MAP4K3: variants seen among roughly 807,000 people sequenced by gnomAD.
MAP4K3 encodes the protein MAPK/ERK kinase kinase kinase 3.
In MAP4K3, 94 loss-of-function variants were observed where a neutral mutation model predicts 143.5. The observed-to-expected ratio is 0.65, with a 90% CI of 0.55 to 0.78. MAP4K3 has a LOEUF of 0.78. Among genes scored for constraint, MAP4K3 ranks in the 30% least tolerant of loss-of-function variants. MAP4K3 has a pLI of 0.00. For synonymous variants in MAP4K3, 416 were observed against 347.2 expected, an observed-to-expected ratio of 1.20 and a Z score of -2.20; for missense variants, 1,077 against 1,068.1, an observed-to-expected ratio of 1.01 and a Z score of -0.12.
intron 32 of MAP4K3, among the ~76,000 whole-genome samples, chr2:39,253,076 T>C (rs868080983): frequency 1.3e-5 from 2 of 152,258 alleles, no homozygotes; most frequent in African/African-American, 4.8e-5. Flanking sequence ...GTTCCTCACG[T>C]GATTTTAGAA....
At chr2:39,349,613 C>T (rs73923852) in intron 3 of MAP4K3, among the ~76,000 whole-genome samples, 3,286 of 151,496 alleles carry the variant, frequency 0.022, 114 homozygotes, top group African/African-American at 0.075. Flanking sequence ...AGTGAGAAGG[C>T]GGTTGGAGAG....
rs1048710376 is a variant in MAP4K3 at position 39,437,008 on chromosome 2, C to A, written c.-21G>T. 6.2e-7 allele frequency: 1 copy of A among 1,601,320 alleles called. No individual in the cohort carries two copies. The highest frequency in any genetic ancestry group is 8.5e-7 in the Non-Finnish European group (1 of 1,172,928). On this transcript the variant is annotated 5_prime_UTR_variant, in exon 1 of 34. Coordinates refer to ENST00000263881, the MANE Select transcript of MAP4K3 (RefSeq NM_003618.4). ...TTCATGGCGGGCCCCAGGTGCCCCC[C>A]GCCTCCCTCCCGGGCAGGGGAGGGG...
chr2:39,316,353 G>C (rs982633679), intron 12 of MAP4K3, among the ~76,000 whole-genome samples: 7 of 152,006 alleles, frequency 4.6e-5, no homozygotes, highest in African/African-American at 1.7e-4. Flanking sequence ...TGAACCTCTA[G>C]CTTGTCAGGA....
In MAP4K3 at chr2:39,325,536, G is replaced by A. The variant is rs764895599; in HGVS notation, c.900C>T (p.Phe300=). 2.4e-5 allele frequency: 38 copies of A among 1,611,382 alleles called. No homozygotes were observed. In the South Asian group the frequency reaches 2.7e-4, roughly 12 times the overall value. ...TTCCTACCTCAGGATCATCATCATCGAAATCATGGTAAGTGGAATGATCTG... is the reference window on the plus strand; with the variant it reads ...TTCCTACCTCAGGATCATCATCATCAAAATCATGGTAAGTGGAATGATCTG... ...NNPDHSTYHD[F]DDDDPEPLVA... The change falls in exon 12 of 34, where the codon TTC becomes TTT. Residue 300 remains phenylalanine (F), a synonymous_variant. Coordinates refer to ENST00000263881, the MANE Select transcript of MAP4K3 (RefSeq NM_003618.4).
intron 20 of MAP4K3, among the ~76,000 whole-genome samples, chr2:39,287,298 C>T (rs1573098387): frequency 6.8e-6 from 1 of 147,344 alleles, no homozygotes; most frequent in East Asian, 2.0e-4. Flanking sequence ...TTTAGTTGCT[C>T]TTTTTTTTTT....
At chr2:39,386,918 T>C (rs1666520692) in intron 1 of MAP4K3, among the ~76,000 whole-genome samples, 1 of 150,876 alleles carries the variant, frequency 6.6e-6, no homozygotes, top group Non-Finnish European at 1.5e-5. Context: ...TGGGTTCAAA[T>C]GATTCTCCTG....
Position 39,254,465 on chromosome 2 carries a change from A to C in MAP4K3, c.2526T>G (p.Ser842Arg). The C allele has an allele frequency of 6.2e-7, 1 of 1,613,902 alleles. No individual in the cohort carries two copies. Among genetic ancestry groups the C allele is most frequent in the Non-Finnish European group, 8.5e-7 (1 of 1,179,844 alleles). ...ATTTACTTACCTCATTAGATCTAAA[A>C]CTTCTACCTTGCATTCCATGTTTCC... ...AFWKHGMQGR[S>R]FRSNEVTQEI... The change falls in exon 32 of 34, where the codon AGT (serine) becomes AGG (arginine). Residue 842 changes from serine to arginine, a missense_variant. Physicochemically the swap from Ser to Arg is moderately radical, Grantham distance 110 (BLOSUM62 -1). Transcript: ENST00000263881.
chr2:39,312,815 T>C (rs752651684), intron 13 of MAP4K3, among the ~76,000 whole-genome samples: 2 of 152,222 alleles, frequency 1.3e-5, no homozygotes, highest in African/African-American at 4.8e-5. Context: ...CTTTCACCTA[T>C]ACTTGTCTTC....
intron 24 of MAP4K3, among the ~76,000 whole-genome samples, chr2:39,276,045 G>A (rs529858118): frequency 3.9e-5 from 6 of 152,080 alleles, no homozygotes; most frequent in Non-Finnish European, 7.4e-5. Context: ...GCTAATTTTT[G>A]TATTTTTAAT....
intron 27 of MAP4K3, among the ~76,000 whole-genome samples, chr2:39,266,646 T>C (rs1458143133): frequency 1.3e-5 from 2 of 152,208 alleles, no homozygotes; most frequent in Non-Finnish European, 2.9e-5. Context: ...TTCCACACTA[T>C]ACTTGTGGTA....
intron 4 of MAP4K3, among the ~76,000 whole-genome samples, chr2:39,339,430 A>T (rs1021736454): frequency 6.6e-6 from 1 of 152,226 alleles, no homozygotes; most frequent in African/African-American, 2.4e-5. Flanking sequence ...AGCTAACTTT[A>T]CAAACAGTAA....
intron 1 of MAP4K3, among the ~76,000 whole-genome samples, chr2:39,409,440 A>G (rs539247957): frequency 1.8e-4 from 27 of 152,146 alleles, no homozygotes; most frequent in Non-Finnish European, 3.5e-4. Context: ...TAAATGATCC[A>G]CTTGGAAGCT....
At chr2:39,411,779 G>C (rs1667238861) in intron 1 of MAP4K3, among the ~76,000 whole-genome samples, 1 of 152,184 alleles carries the variant, frequency 6.6e-6, no homozygotes, top group South Asian at 2.1e-4. Flanking sequence ...GTGACGATCT[G>C]CAGAGAGGGA....
At chr2:39,417,565 TG>T (rs1468231653) in intron 1 of MAP4K3, among the ~76,000 whole-genome samples, 7 of 151,982 alleles carry the variant, frequency 4.6e-5, no homozygotes, top group African/African-American at 1.7e-4. Flanking sequence ...AGATAAACAA[TG>T]GGGGAAGGCC....
intron 20 of MAP4K3, 146 bp downstream of exon 20, chr2:39,287,975 G>A: frequency 2.2e-6 from 2 of 906,412 alleles, no homozygotes; most frequent in Non-Finnish European, 3.4e-6. Flanking sequence ...AAGCTAGTAG[G>A]CAAAAAGCAG....
intron 1 of MAP4K3, among the ~76,000 whole-genome samples, chr2:39,398,173 A>T (rs1202288726): frequency 6.6e-6 from 1 of 152,202 alleles, no homozygotes; most frequent in South Asian, 2.1e-4. Flanking sequence ...TAAGAAATAC[A>T]CATGTACAAG....
chr2:39,306,414 C>T (rs1682708641), intron 15 of MAP4K3, among the ~76,000 whole-genome samples: 1 of 152,146 alleles, frequency 6.6e-6, no homozygotes, highest in Admixed American at 6.6e-5. Flanking sequence ...GAACACATTC[C>T]CTCTTTATTT....
Position 39,267,201 on chromosome 2 carries a change from T to C in MAP4K3, c.2020A>G (p.Lys674Glu), listed in dbSNP as rs778081138. 1.2e-6 allele frequency: 2 copies of C among 1,613,942 alleles called. No individual in the cohort carries two copies. Among genetic ancestry groups the C allele is most frequent in the African/African-American group, 2.7e-5 (2 of 74,904 alleles). Reference sequence around the variant, plus strand: ...ACAGTTTACTTACCAACACAACACTTCTGGCACCATTTGGTTTCAGGGATT... The same window carrying C: ...ACAGTTTACTTACCAACACAACACTCCTGGCACCATTTGGTTTCAGGGATT... Reference protein sequence around the residue: ...AKIPETKWCQKCCVVRNPYTG... With the variant: ...AKIPETKWCQECCVVRNPYTG... Residue 674 changes from lysine (K) to glutamate (E), a missense_variant, in exon 27 of 34, where the codon AAG becomes GAG. Coordinates refer to ENST00000263881, the MANE Select transcript of MAP4K3 (RefSeq NM_003618.4).
intron 4 of MAP4K3, among the ~76,000 whole-genome samples, chr2:39,340,018 G>A (rs922206517): frequency 2.7e-5 from 4 of 149,194 alleles, no homozygotes; most frequent in Non-Finnish European, 4.4e-5. Flanking sequence ...AAGCTCAATG[G>A]AAAATAGAAA....
Sources: gnomAD v4.1 joint callset for allele counts (sites outside exome capture counted in the v4.1 genomes callset) on GRCh38, gnomAD v4.1.1 for gene constraint, MANE v1.5 for transcripts, NCBI Gene and HGNC (gene_info 2026-07-23, HGNC 2026-07-21) for gene names.